FER1L6: variants seen among roughly 807,000 people sequenced by gnomAD.
FER1L6 encodes the protein fer-1-like protein 6.
In FER1L6, 177 loss-of-function variants were observed where a neutral mutation model predicts 219.2. That is an observed-to-expected ratio of 0.81 (90% CI 0.71 to 0.91). FER1L6 has a LOEUF of 0.91. Ranked by LOEUF, FER1L6 falls within the 40% of genes least tolerant of loss-of-function variation. The pLI is 0.00. For missense variants in FER1L6, 2,153 were observed against 2,259.9 expected, an observed-to-expected ratio of 0.95 and a Z score of 0.96; for synonymous variants, 768 against 824.3, an observed-to-expected ratio of 0.93 and a Z score of 1.17.
At chr8:124,063,307 G>A (rs1230803587) in intron 25 of FER1L6, among the ~76,000 whole-genome samples, 4 of 152,040 alleles carry the variant, frequency 2.6e-5, no homozygotes, top group Non-Finnish European at 5.9e-5. Flanking sequence ...GATATACTCA[G>A]ACCCCTCCAT....
At chr8:124,097,756 C>T (rs1218009457) in intron 36 of FER1L6, 29 bp from the exon 37 acceptor site, 9 of 1,211,028 alleles carry the variant, frequency 7.4e-6, no homozygotes, top group Non-Finnish European at 1.1e-5. Context: ...TCAAGGTCAT[C>T]GACCTAATGC....
chr8:123,855,286 G>A (rs1468317597), intron 1 of FER1L6, among the ~76,000 whole-genome samples: 1 of 152,154 alleles, frequency 6.6e-6, no homozygotes, highest in Non-Finnish European at 1.5e-5. Flanking sequence ...TGGATAGTAG[G>A]TGGCCACAAA....
Position 124,103,265 on chromosome 8 carries a change from C to T in FER1L6, c.5245C>T (p.Arg1749Cys), listed in dbSNP as rs575370415. 3.1e-6 allele frequency: 5 copies of T among 1,614,008 alleles called. No homozygotes were observed. The highest frequency in any genetic ancestry group is 1.1e-5 in the South Asian group (1 of 91,062). Residue 1749 changes from arginine (R) to cysteine (C), a missense_variant, in exon 39 of 41, where the codon CGT becomes TGT. Arg to Cys is a radical substitution (Grantham distance 180). Transcript: ENST00000522917. ...CAAGATCTCTATATTCCAGCAAAAA[C>T]GTGTGCGTGGCTGGTGGCCTTTTTC... ...ETKISIFQQKRVRGWWPFSKS... is the reference protein window; with the variant it reads ...ETKISIFQQKCVRGWWPFSKS...
chr8:124,045,669 T>G, intron 20 of FER1L6, 98 bp from the exon 21 acceptor site: 1 of 1,276,604 alleles, frequency 7.8e-7, no homozygotes, highest in South Asian at 1.3e-5. Flanking sequence ...AATGATGATG[T>G]GTTCTCTTTC....
intron 27 of FER1L6, among the ~76,000 whole-genome samples, chr8:124,066,869 G>A (rs1450470877): frequency 1.3e-5 from 2 of 152,094 alleles, no homozygotes; most frequent in East Asian, 3.9e-4. Context: ...GGAGAAATGG[G>A]GTCTCTGGAT....
At chr8:123,915,851 G>C (rs956862580) in intron 1 of FER1L6, among the ~76,000 whole-genome samples, 11 of 152,304 alleles carry the variant, frequency 7.2e-5, no homozygotes, top group Middle Eastern at 3.4e-3. Context: ...GTGGAAGTGA[G>C]AGTCAGGGTG....
intron 1 of FER1L6, among the ~76,000 whole-genome samples, chr8:123,867,478 C>T (rs1365621612): frequency 2.6e-5 from 4 of 152,252 alleles, no homozygotes; most frequent in South Asian, 2.1e-4. Flanking sequence ...GATGTAATAG[C>T]GAGTAAGAAT....
Position 123,991,420 on chromosome 8 carries a change from C to T in FER1L6, c.1519+5244C>T, listed in dbSNP as rs113970608. ...AGTTCTCCTTGCAGAGATATTTCACCTCCTTGGTTAAGTATATTCCTAGTT... is the reference window on the plus strand; with the variant it reads ...AGTTCTCCTTGCAGAGATATTTCACTTCCTTGGTTAAGTATATTCCTAGTT... On this transcript the variant is annotated intron_variant, in intron 12 of 40. Coordinates refer to ENST00000522917, the MANE Select transcript of FER1L6 (RefSeq NM_001039112.2). 9.9e-5 allele frequency among the ~76,000 whole-genome samples: 15 copies of T among 152,112 alleles called. 1 individual carries two copies. Among genetic ancestry groups the T allele is most frequent in the African/African-American group, 3.4e-4 (14 of 41,494 alleles).
Position 123,886,056 on chromosome 8 carries a change from T to A in FER1L6, c.-8+33871T>A, listed in dbSNP as rs115829789. Among the ~76,000 whole-genome samples, 213 of 152,350 alleles carry A rather than the reference T, an allele frequency of 1.4e-3. 1 individual carries two copies. Among genetic ancestry groups the A allele is most frequent in the African/African-American group, 4.9e-3 (205 of 41,588 alleles). On this transcript the variant is annotated intron_variant, in intron 1 of 40. Transcript: ENST00000522917. ...CTTTGCCATTTGCCTTGAGACTGCGTTCGGAGTACTTCCTTTGTGCACCTA... is the reference window on the plus strand; with the variant it reads ...CTTTGCCATTTGCCTTGAGACTGCGATCGGAGTACTTCCTTTGTGCACCTA...
intron 1 of FER1L6, among the ~76,000 whole-genome samples, chr8:123,923,072 C>T (rs1249309504): frequency 6.6e-6 from 1 of 152,126 alleles, no homozygotes; most frequent in Non-Finnish European, 1.5e-5. Context: ...ACATTTCTGC[C>T]GAATAAGCTG....
intron 11 of FER1L6, chr8:123,984,541 C>T (rs1816472727): frequency 6.6e-6 from 1 of 152,204 alleles, no homozygotes. Flanking sequence ...CCCAACTTCT[C>T]TCTGTGGTTT....
At chr8:124,036,249 G>C (rs1007215417) in intron 19 of FER1L6, 1 of 152,110 alleles carries the variant, frequency 6.6e-6, no homozygotes, top group Non-Finnish European at 1.5e-5. Flanking sequence ...CTCTGAGGTT[G>C]GTTGAACTTA....
chr8:124,010,828 A>T, intron 14 of FER1L6, 114 bp downstream of exon 14: 3 of 1,411,848 alleles, frequency 2.1e-6, no homozygotes, highest in South Asian at 1.4e-5. Context: ...AAATAAATTG[A>T]GGATGCTGCA....
intron 12 of FER1L6, among the ~76,000 whole-genome samples, chr8:124,002,290 G>T (rs1210166472): frequency 2.6e-5 from 4 of 152,146 alleles, no homozygotes. Flanking sequence ...GATCTGGGTG[G>T]GGCACCACCA....
intron 1 of FER1L6, among the ~76,000 whole-genome samples, chr8:123,914,148 C>G (rs181104558): frequency 3.4e-4 from 52 of 152,312 alleles, no homozygotes; most frequent in Non-Finnish European, 3.1e-4. Context: ...TCAGTAGTCA[C>G]ATAGATTGGT....
intron 18 of FER1L6, among the ~76,000 whole-genome samples, chr8:124,033,255 CCTTT>C (rs1420326861): frequency 2.0e-5 from 3 of 152,110 alleles, no homozygotes; most frequent in Non-Finnish European, 2.9e-5. Context: ...GACAAAAATT[CCTTT>C]CTTTATGAAT....
chr8:123,941,438 G>A (rs1270389042), intron 1 of FER1L6, among the ~76,000 whole-genome samples: 1 of 152,186 alleles, frequency 6.6e-6, no homozygotes, highest in African/African-American at 2.4e-5. Context: ...GAGGGAGCAT[G>A]TTCCAGTCGA....
chr8:124,082,514 G>A, intron 33 of FER1L6, 56 bp downstream of exon 33: 1 of 1,524,432 alleles, frequency 6.6e-7, no homozygotes, highest in Non-Finnish European at 9.0e-7. Flanking sequence ...GTAGCCTTTA[G>A]GGCTCCAGAC....
rs774677228 is a variant in FER1L6, at chr8:124,060,303, G to A, written c.2985+13G>A. ...ATACCGAGTGGAGGTACGGGTCAGC[G>A]GAGGAGCTGAGTTGTTCTTTGGCAC... is the stretch of plus-strand genomic sequence containing the variant. On this transcript the variant is annotated intron_variant, in intron 23 of 40. Coordinates refer to ENST00000522917, the MANE Select transcript of FER1L6 (RefSeq NM_001039112.2). The A allele has an allele frequency of 1.2e-5, 19 of 1,611,672 alleles. No homozygotes were observed. The highest frequency in any genetic ancestry group is 4.5e-5 in the East Asian group (2 of 44,856).
Sources: gnomAD v4.1 joint callset for allele counts (sites outside exome capture counted in the v4.1 genomes callset) on GRCh38, gnomAD v4.1.1 for gene constraint, MANE v1.5 for transcripts, NCBI Gene and HGNC (gene_info 2026-07-23, HGNC 2026-07-21) for gene names.